VWC2: variants seen among roughly 807,000 people sequenced by gnomAD.
VWC2 encodes von Willebrand factor C domain containing 2.
In VWC2, 14 loss-of-function variants were observed where a neutral mutation model predicts 29.8. The ratio of observed to expected loss-of-function variants is 0.47; its 90% CI spans 0.31 to 0.74. The LOEUF (loss-of-function observed/expected upper bound fraction) is 0.74. VWC2 is among the 30% of genes least tolerant of loss of function. VWC2 has a pLI of 0.05. For missense variants in VWC2, 457 were observed against 459.8 expected, an observed-to-expected ratio of 0.99 and a Z score of 0.05; for synonymous variants, 213 against 199.0, an observed-to-expected ratio of 1.07 and a Z score of -0.59.
chr7:49,879,592 G>A (rs1251175395), intron 3 of VWC2, among the ~76,000 whole-genome samples: 2 of 152,088 alleles, frequency 1.3e-5, no homozygotes, highest in Non-Finnish European at 2.9e-5. Flanking sequence ...GCACTTCTGG[G>A]TCCTGACCCA....
At chr7:49,776,756 G>T (rs1160013851) in intron 2 of VWC2, among the ~76,000 whole-genome samples, 2 of 152,188 alleles carry the variant, frequency 1.3e-5, no homozygotes, top group Admixed American at 6.5e-5. Flanking sequence ...TCTCTCTAAT[G>T]CCTACTGTGC....
intron 3 of VWC2, among the ~76,000 whole-genome samples, chr7:49,804,294 G>A (rs1365613298): frequency 6.6e-6 from 1 of 151,820 alleles, no homozygotes; most frequent in Admixed American, 6.6e-5. Context: ...TCTGGGATTG[G>A]GGAAGGAGAG....
intron 3 of VWC2, among the ~76,000 whole-genome samples, chr7:49,886,886 G>A (rs777088468): frequency 2.0e-5 from 3 of 152,086 alleles, no homozygotes; most frequent in South Asian, 2.1e-4. Flanking sequence ...GTTGGACCTC[G>A]TAAGACTTCT....
rs1051249185 is a variant in VWC2, at chr7:49,844,748, A to C, written c.826+41908A>C. On this transcript the variant is annotated intron_variant, in intron 3 of 3. Transcript: ENST00000340652. ...GCTCTTCTTGCCCAGGCTGGAGTGC[A>C]ATGGCACGATCTCAGTTCACTGCAA... 4.6e-5 allele frequency among the ~76,000 whole-genome samples: 7 copies of C among 152,176 alleles called. No homozygotes were observed. In the East Asian group the frequency reaches 5.8e-4, roughly 13 times the overall value.
At chr7:49,834,285 T>C (rs1176490569) in intron 3 of VWC2, among the ~76,000 whole-genome samples, 2 of 152,212 alleles carry the variant, frequency 1.3e-5, no homozygotes, top group Non-Finnish European at 2.9e-5. Context: ...TTGTCCTCTA[T>C]TCATTATCCC....
At chr7:49,859,085 A>C (rs944210747) in intron 3 of VWC2, among the ~76,000 whole-genome samples, 1 of 152,238 alleles carries the variant, frequency 6.6e-6, no homozygotes, top group Non-Finnish European at 1.5e-5. Flanking sequence ...CCATATGGGC[A>C]CATACTTATT....
rs1018892547 is a variant in VWC2 at position 49,919,653 on chromosome 7, G to A, written c.*7468G>A. 6.6e-6 allele frequency: 1 copy of A among 152,058 alleles called. No homozygotes were observed. Among genetic ancestry groups the A allele is most frequent in the African/African-American group, 2.4e-5 (1 of 41,404 alleles). 9.4% of individuals were successfully genotyped at this position (152,058 alleles called of 1,614,324 possible). A position where few individuals can be genotyped will look rare whatever the true frequency, so the allele number is the denominator to read the frequency against. On this transcript the variant is annotated 3_prime_UTR_variant, in exon 4 of 4. Coordinates refer to ENST00000340652, the MANE Select transcript of VWC2 (RefSeq NM_198570.5). ...ATAATGTTAAATCTGTAGTTTCAAG[G>A]TGTATGCTATTTCTTAAAACAAAAA...
At chr7:49,820,996 G>A (rs973534948) in intron 3 of VWC2, among the ~76,000 whole-genome samples, 11 of 152,164 alleles carry the variant, frequency 7.2e-5, no homozygotes, top group Admixed American at 2.0e-4. Flanking sequence ...CTGGAGATGA[G>A]CTGCCCAGCC....
Position 49,912,447 on chromosome 7 carries a change from T to TTA in VWC2, c.*268_*269dup, listed in dbSNP as rs1481554808. Reference sequence around the variant, plus strand: ...ACAGTAAGTACACAAAAGTACACTATTATATATCAAATGTATTTCTATAAT... The same window carrying TTA: ...ACAGTAAGTACACAAAAGTACACTATTATATATATCAAATGTATTTCTATAAT... On this transcript the variant is annotated 3_prime_UTR_variant, in exon 4 of 4. Coordinates refer to ENST00000340652, the MANE Select transcript of VWC2 (RefSeq NM_198570.5). 3 of 322,542 alleles carry TTA rather than the reference T, an allele frequency of 9.3e-6. No homozygotes were observed. Among genetic ancestry groups the TTA allele is most frequent in the African/African-American group, 6.4e-5 (3 of 47,058 alleles). The allele number at this position is 322,542 out of a possible 1,614,324, so 20.0% of individuals were successfully genotyped here.
chr7:49,866,176 C>T (rs1790883278), intron 3 of VWC2, among the ~76,000 whole-genome samples: 1 of 152,186 alleles, frequency 6.6e-6, no homozygotes, highest in Admixed American at 6.5e-5. Flanking sequence ...TGGATTGTTT[C>T]TCACTTGCTT....
At chr7:49,875,812 G>A (rs1791392114) in intron 3 of VWC2, among the ~76,000 whole-genome samples, 1 of 152,092 alleles carries the variant, frequency 6.6e-6, no homozygotes, top group African/African-American at 2.4e-5. Context: ...TGTTAGTATT[G>A]GTATTATTAT....
chr7:49,896,305 C>T (rs1057196421), intron 3 of VWC2, among the ~76,000 whole-genome samples: 1 of 152,174 alleles, frequency 6.6e-6, no homozygotes, highest in Non-Finnish European at 1.5e-5. Context: ...TGCACCACTG[C>T]ACTCTACCCT....
At chr7:49,909,973 G>A (rs1461451550) in intron 3 of VWC2, among the ~76,000 whole-genome samples, 3 of 151,950 alleles carry the variant, frequency 2.0e-5, no homozygotes, top group Non-Finnish European at 4.4e-5. Context: ...CTCAGGTGTG[G>A]TGGTGTGCTC....
chr7:49,836,528 A>G (rs1404464601), intron 3 of VWC2, among the ~76,000 whole-genome samples: 7 of 151,004 alleles, frequency 4.6e-5, no homozygotes. Context: ...AATCCCAGCT[A>G]CTCCAGAGGC....
intron 3 of VWC2, among the ~76,000 whole-genome samples, chr7:49,853,969 GT>G (rs1184809966): frequency 6.6e-6 from 1 of 150,816 alleles, no homozygotes; most frequent in East Asian, 2.0e-4. Flanking sequence ...GCGGTGTTTG[GT>G]TTTCTGTCCC....
intron 3 of VWC2, among the ~76,000 whole-genome samples, chr7:49,810,116 G>C (rs1788972713): frequency 6.6e-6 from 1 of 151,520 alleles, no homozygotes; most frequent in South Asian, 2.1e-4. Context: ...AAAATACCAA[G>C]AATTACACAT....
chr7:49,802,484 A>G (rs1425739314), intron 2 of VWC2, among the ~76,000 whole-genome samples: 2 of 152,156 alleles, frequency 1.3e-5, no homozygotes, highest in Non-Finnish European at 2.9e-5. Flanking sequence ...TAAAAAACAC[A>G]TAAATTAGCC....
chr7:49,846,226 G>A lies in VWC2; in HGVS notation c.826+43386G>A, dbSNP rs577479659. ...ATCACTCCATTTGGTGCAAAGAGTC[G>A]CCCCCAAGACTGTTGCTCCAACCTG... On this transcript the variant is annotated intron_variant, in intron 3 of 3. Transcript: ENST00000340652. Among the ~76,000 whole-genome samples the A allele has an allele frequency of 3.9e-5, 6 of 152,170 alleles. No individual in the cohort carries two copies. In the South Asian group the frequency reaches 6.2e-4, roughly 16 times the overall value.
At chr7:49,886,401 T>C (rs1253554616) in intron 3 of VWC2, among the ~76,000 whole-genome samples, 1 of 152,236 alleles carries the variant, frequency 6.6e-6, no homozygotes, top group Admixed American at 6.5e-5. Context: ...TATGCTAATA[T>C]AGGTAATTAA....
Sources: gnomAD v4.1 joint callset for allele counts (sites outside exome capture counted in the v4.1 genomes callset) on GRCh38, gnomAD v4.1.1 for gene constraint, MANE v1.5 for transcripts, NCBI Gene and HGNC (gene_info 2026-07-23, HGNC 2026-07-21) for gene names.